The following XPO6 variants were observed in gnomAD, a reference collection of about 807,000 sequenced individuals.
XPO6 encodes exportin 6, also known as exportin-6.
Under a neutral mutation model 130.0 loss-of-function variants are expected in XPO6, and 3 were observed. The ratio of observed to expected loss-of-function variants is 0.02; its 90% CI spans 0.01 to 0.06. The LOEUF (loss-of-function observed/expected upper bound fraction) is 0.06, where lower values mean the gene tolerates loss of function less well. Among genes scored for constraint, XPO6 ranks in the 10% least tolerant of loss-of-function variants. The pLI is 1.00. For synonymous variants in XPO6, 524 were observed against 548.9 expected (o/e 0.95, Z 0.63); for missense variants, 970 against 1,393.0 (o/e 0.70, Z 4.83).
At chr16:28,142,609 C>A (rs750914199) in intron 9 of XPO6, among the ~76,000 whole-genome samples, 1 of 152,040 alleles carries the variant, frequency 6.6e-6, no homozygotes, top group Admixed American at 6.5e-5. Flanking sequence ...CTTGCTCTGT[C>A]GCCCAGGCTG....
chr16:28,127,603 G>C (rs1007498032), intron 12 of XPO6, among the ~76,000 whole-genome samples: 10 of 152,146 alleles, frequency 6.6e-5, no homozygotes, highest in African/African-American at 2.4e-4. Flanking sequence ...ACACGGATGG[G>C]TGGCACCTGC....
At chr16:28,204,303 G>A (rs1001938288) in intron 1 of XPO6, among the ~76,000 whole-genome samples, 2 of 152,068 alleles carry the variant, frequency 1.3e-5, no homozygotes, top group Non-Finnish European at 2.9e-5. Context: ...CAGGATGTCA[G>A]GGACTGGAAG....
intron 6 of XPO6, among the ~76,000 whole-genome samples, chr16:28,157,112 CA>C (rs2043196008): frequency 6.6e-6 from 1 of 151,842 alleles, no homozygotes; most frequent in Admixed American, 6.6e-5. Flanking sequence ...TTAAAACTAC[CA>C]AAAAAGAAAA....
Position 28,211,450 on chromosome 16 carries a change from C to A in XPO6, c.-82G>T. 1.5e-6 allele frequency: 2 copies of A among 1,295,196 alleles called. No individual in the cohort carries two copies. Among genetic ancestry groups the A allele is most frequent in the Non-Finnish European group, 2.0e-6 (2 of 1,010,974 alleles). The allele number at this position is 1,295,196 out of a possible 1,614,324, so 80.2% of individuals were successfully genotyped here. ...CGCTCGCACAGTTCAGGTCATGGTC[C>A]CGGCAGACTCGGGAAGTCCCCCACC... On this transcript the variant is annotated 5_prime_UTR_variant, in exon 1 of 24. Coordinates refer to ENST00000304658, the MANE Select transcript of XPO6 (RefSeq NM_015171.4).
At chr16:28,118,789 T>A (rs1037209674) in intron 14 of XPO6, among the ~76,000 whole-genome samples, 3 of 152,234 alleles carry the variant, frequency 2.0e-5, no homozygotes, top group Admixed American at 2.0e-4. Flanking sequence ...GGGTCCTGCA[T>A]CCTCTTCACA....
chr16:28,100,411 G>T (rs924460747), intron 23 of XPO6, among the ~76,000 whole-genome samples: 2 of 152,242 alleles, frequency 1.3e-5, no homozygotes, highest in Non-Finnish European at 2.9e-5. Context: ...ATATCCAGGG[G>T]CTGAAGTGAA....
In XPO6 at chr16:28,138,949, T is replaced by G. The variant is rs1049116913; in HGVS notation, c.1335-3625A>C. Among the ~76,000 whole-genome samples, 4 of 152,040 alleles carry G rather than the reference T, an allele frequency of 2.6e-5. No individual in the cohort carries two copies. The East Asian group carries it at 7.7e-4, about 29-fold the overall frequency. On this transcript the variant is annotated intron_variant, in intron 9 of 23. Transcript: ENST00000304658. ...AGAAGACAATCGACAGATGCCAACC[T>G]CAAGATGACAAAGGTGTTGGAATTA...
chr16:28,183,436 A>G (rs1193477599), intron 1 of XPO6: 1 of 151,960 alleles, frequency 6.6e-6, no homozygotes, highest in African/African-American at 2.4e-5. Flanking sequence ...TTAAAAAAAA[A>G]AAAAAAAAAA....
chr16:28,133,845 G>A lies in XPO6; in HGVS notation c.1532C>T (p.Thr511Ile). 6.2e-7 allele frequency: 1 copy of A among 1,614,070 alleles called. No homozygotes were observed. The change falls in exon 11 of 24, where the codon ACA becomes ATA. Residue 511 changes from threonine to isoleucine, a missense_variant. Coordinates refer to ENST00000304658, the MANE Select transcript of XPO6 (RefSeq NM_015171.4). Reference protein sequence around the residue: ...MELLPTHAFSTLFPVLQDNLE... With the variant: ...MELLPTHAFSILFPVLQDNLE... ...CTCCCCCGGACAGCACATTACCAGTGTGGAGAAGGCGTGCGTGGGCAGGAG... is the reference window on the plus strand; with the variant it reads ...CTCCCCCGGACAGCACATTACCAGTATGGAGAAGGCGTGCGTGGGCAGGAG...
intron 4 of XPO6, among the ~76,000 whole-genome samples, chr16:28,175,634 A>G (rs1031945529): frequency 1.3e-5 from 2 of 152,196 alleles, no homozygotes; most frequent in Admixed American, 6.5e-5. Context: ...CACCTAGTAC[A>G]GCACCTAACA....
At chr16:28,147,568 C>CTCATACT (rs1206669624) in intron 8 of XPO6, among the ~76,000 whole-genome samples, 1 of 152,186 alleles carries the variant, frequency 6.6e-6, no homozygotes, top group Admixed American at 6.5e-5. Context: ...CTGTCTCTAC[C>CTCATACT]TCATACTTGG....
rs1342652781 is a variant in XPO6, at chr16:28,132,378, T to C, written c.1562A>G (p.Glu521Gly). 6.2e-7 allele frequency: 1 copy of C among 1,607,316 alleles called. No homozygotes were observed. Among genetic ancestry groups the C allele is most frequent in the Admixed American group, 1.7e-5 (1 of 59,072 alleles). The stretch of plus-strand genomic sequence containing the variant: ...AAACTGTTGTAATCCCAAATAAACT[T>C]CTAAATTGTCCTGAAGAACAGGGAA... ...TLFPVLQDNL[E>G]VYLGLQQFIV... Residue 521 changes from glutamate to glycine, a missense_variant, in exon 12 of 24, where the codon GAA becomes GGA. Transcript: ENST00000304658. This position sits in a 1 kb window ranked among gnomAD's most constrained non-coding sequence, Gnocchi z 4.0.
At chr16:28,157,401 G>A (rs141410438) in intron 6 of XPO6, among the ~76,000 whole-genome samples, 1,523 of 152,216 alleles carry the variant, frequency 0.01, 32 homozygotes, top group African/African-American at 0.035. Flanking sequence ...GTTGCAGTGA[G>A]CTAAGATCAC....
intron 8 of XPO6, among the ~76,000 whole-genome samples, chr16:28,147,170 C>T (rs571202613): frequency 4.6e-5 from 7 of 152,188 alleles, no homozygotes; most frequent in African/African-American, 7.2e-5. Context: ...GAAATCTAGA[C>T]GTTTACAAGG....
At chr16:28,165,822 A>G (rs1226112000) in intron 6 of XPO6, among the ~76,000 whole-genome samples, 3 of 152,242 alleles carry the variant, frequency 2.0e-5, no homozygotes, top group African/African-American at 7.2e-5. Context: ...TTTAGTGTAA[A>G]CAGCAGCATT....
intron 4 of XPO6, among the ~76,000 whole-genome samples, chr16:28,171,197 C>T (rs1341529401): frequency 6.6e-6 from 1 of 151,562 alleles, no homozygotes; most frequent in Non-Finnish European, 1.5e-5. Context: ...ACGGGCTGGG[C>T]GTGGTGGCTC....
At chr16:28,136,669 G>T (rs182321748) in intron 9 of XPO6, among the ~76,000 whole-genome samples, 4 of 152,340 alleles carry the variant, frequency 2.6e-5, no homozygotes, top group Admixed American at 2.0e-4. Flanking sequence ...CAGAGCGGTA[G>T]GTTTGGATAT....
chr16:28,163,852 C>T (rs565182006), intron 6 of XPO6, among the ~76,000 whole-genome samples: 3 of 152,286 alleles, frequency 2.0e-5, no homozygotes, highest in African/African-American at 7.2e-5. Context: ...TTCATGTCCC[C>T]ACTCTGCTCA....
chr16:28,122,112 T>C (rs1202198309), intron 13 of XPO6, among the ~76,000 whole-genome samples: 1 of 152,114 alleles, frequency 6.6e-6, no homozygotes, highest in Non-Finnish European at 1.5e-5. Flanking sequence ...ATGGTTGTAC[T>C]AAATATACAT....
Sources: gnomAD v4.1 joint callset for allele counts (sites outside exome capture counted in the v4.1 genomes callset) on GRCh38, gnomAD v4.1.1 for gene constraint, Gnocchi (gnomAD v3.1) non-coding constraint, MANE v1.5 for transcripts, NCBI Gene and HGNC (gene_info 2026-07-23, HGNC 2026-07-21) for gene names.